Variants in AJAP1 observed in about 807,000 individuals in gnomAD.
AJAP1 encodes the protein adherens junctions associated protein 1.
AJAP1 carries 5 observed loss-of-function variants against 35.0 expected under a neutral mutation model. The ratio of observed to expected loss-of-function variants is 0.14; its 90% CI spans 0.07 to 0.30. The LOEUF is 0.30. AJAP1 is among the 10% of genes least tolerant of loss of function. The pLI, the probability that AJAP1 is intolerant of heterozygous loss-of-function variation, is 1.00. For missense variants in AJAP1, 586 were observed against 571.0 expected (o/e 1.03, Z -0.27); for synonymous variants, 284 against 249.3 (o/e 1.14, Z -1.31).
intron 5 of AJAP1, among the ~76,000 whole-genome samples, chr1:4,779,727 C>T (rs1054230873): frequency 6.6e-5 from 10 of 152,054 alleles, no homozygotes; most frequent in East Asian, 5.8e-4. Context: ...AGCTTACAAC[C>T]GGTGACAGTC....
In AJAP1 at chr1:4,712,012, C is replaced by A. The variant is rs1395321041; in HGVS notation, c.142C>A (p.Pro48Thr). Residue 48 changes from proline to threonine, a missense_variant, in exon 2 of 6, where the codon CCG becomes ACG. Physicochemically the swap from Pro to Thr is conservative, Grantham distance 38 (BLOSUM62 -1). Coordinates refer to ENST00000378191, the MANE Select transcript of AJAP1 (RefSeq NM_018836.4). ...LPACEALGPG[P>T]EFWLLPRSPP... ...CGCCTGTGAGGCCCTGGGCCCGGGG[C>A]CGGAGTTCTGGCTCCTGCCGCGGTC... is the stretch of plus-strand genomic sequence containing the variant. 4.4e-6 allele frequency: 7 copies of A among 1,595,748 alleles called. No homozygotes were observed. In the Admixed American group the frequency reaches 1.0e-4, roughly 24 times the overall value.
At chr1:4,710,651 CG>C (rs1640210142) in intron 1 of AJAP1, among the ~76,000 whole-genome samples, 1 of 152,266 alleles carries the variant, frequency 6.6e-6, no homozygotes, top group African/African-American at 2.4e-5. Flanking sequence ...TGAACACCCT[CG>C]CGCCCCCCAC....
chr1:4,699,974 C>T (rs973961955), intron 1 of AJAP1, among the ~76,000 whole-genome samples: 6 of 152,244 alleles, frequency 3.9e-5, no homozygotes, highest in Admixed American at 2.0e-4. Context: ...CTCTGCGTGC[C>T]GTCCTCTTCA....
chr1:4,658,516 C>T (rs1429547988), intron 1 of AJAP1, among the ~76,000 whole-genome samples: 1 of 152,204 alleles, frequency 6.6e-6, no homozygotes, highest in African/African-American at 2.4e-5. Flanking sequence ...TGGCTCGCGC[C>T]GATTTCCAGC....
At chr1:4,713,594 G>A (rs1245553160) in intron 2 of AJAP1, among the ~76,000 whole-genome samples, 1 of 152,256 alleles carries the variant, frequency 6.6e-6, no homozygotes, top group Non-Finnish European at 1.5e-5. Flanking sequence ...CAGCAGGCCT[G>A]CGGGGAGAGC....
chr1:4,732,900 G>A (rs544149417), intron 2 of AJAP1, among the ~76,000 whole-genome samples: 164 of 152,312 alleles, frequency 1.1e-3, no homozygotes, highest in African/African-American at 3.7e-3. Flanking sequence ...GAGATCCTTG[G>A]AGGAACTGCG....
At position 4,787,534 on chromosome 1, in the gene AJAP1, C is replaced by T. The variant is rs11805709; in HGVS notation, c.*5049C>T. ...CAGTGCAGCACTGAAGATAAGACAT[C>T]GCAGTTGTTACGACGCCTGGTTCTC... On this transcript the variant is annotated 3_prime_UTR_variant, in exon 6 of 6. Transcript: ENST00000378191. 0.27 allele frequency: 101,378 copies of T among 381,602 alleles called. 15,240 individuals carry two copies. The highest frequency in any genetic ancestry group is 0.39 in the Admixed American group (12,600 of 32,324). 23.6% of individuals were successfully genotyped at this position (381,602 alleles called of 1,614,324 possible). A position where few individuals can be genotyped will look rare whatever the true frequency, so the allele number is the denominator to read the frequency against.
chr1:4,782,085 A>G lies in AJAP1; in HGVS notation c.*60-460A>G, dbSNP rs1264252574. On this transcript the variant is annotated intron_variant, in intron 5 of 5. Transcript: ENST00000378191. This position sits in a 1 kb window ranked among gnomAD's most constrained non-coding sequence, Gnocchi z 5.3. ...GAGTAGTGGACAGAAACAGACTCCC[A>G]TTCTTCCCGCAGCACAGGAGTGGAG... Among the ~76,000 whole-genome samples the G allele has an allele frequency of 6.6e-6, 1 of 152,126 alleles. No individual in the cohort carries two copies. The highest frequency in any genetic ancestry group is 2.4e-5 in the African/African-American group (1 of 41,426).
rs1642162196 is a variant in AJAP1 at position 4,786,431 on chromosome 1, C to CGT, written c.*3947_*3948dup. 6.6e-6 allele frequency: 1 copy of CGT among 152,128 alleles called. No homozygotes were observed. The highest frequency in any genetic ancestry group is 2.4e-5 in the African/African-American group (1 of 41,414). The allele number at this position is 152,128 out of a possible 1,614,324, so 9.4% of individuals were successfully genotyped here. ...CTTTGAATCGGGACACCAGGAAACC[C>CGT]GTTACTACTAATGTGATCTTACCAT... On this transcript the variant is annotated 3_prime_UTR_variant, in exon 6 of 6. Coordinates refer to ENST00000378191, the MANE Select transcript of AJAP1 (RefSeq NM_018836.4).
intron 2 of AJAP1, among the ~76,000 whole-genome samples, chr1:4,730,104 G>T (rs182524072): frequency 1.3e-5 from 2 of 152,282 alleles, no homozygotes; most frequent in Admixed American, 1.3e-4. Flanking sequence ...CAGAGGGCAG[G>T]GGACTCTGCC....
Position 4,787,744 on chromosome 1 carries a change from C to G in AJAP1, c.*5259C>G, listed in dbSNP as rs1278274185. The stretch of plus-strand genomic sequence containing the variant: ...AGCAGGTCTCAGGTCAGCCAGGTCT[C>G]AAGGAGGATAAGGGGGTTCAACGTC... On this transcript the variant is annotated 3_prime_UTR_variant, in exon 6 of 6. Transcript: ENST00000378191. 2.2e-6 allele frequency: 1 copy of G among 456,066 alleles called. No individual in the cohort carries two copies. Among genetic ancestry groups the G allele is most frequent in the Non-Finnish European group, 4.4e-6 (1 of 226,918 alleles). The allele number at this position is 456,066 out of a possible 1,614,324, so 28.3% of individuals were successfully genotyped here.
chr1:4,688,490 G>A (rs1639659156), intron 1 of AJAP1, among the ~76,000 whole-genome samples: 2 of 152,068 alleles, frequency 1.3e-5, no homozygotes, highest in African/African-American at 4.8e-5. Flanking sequence ...GATCCTGATG[G>A]GGCCAGGTGC....
chr1:4,707,569 T>C (rs927704710), intron 1 of AJAP1, among the ~76,000 whole-genome samples: 5 of 152,172 alleles, frequency 3.3e-5, no homozygotes, highest in African/African-American at 1.2e-4. Context: ...TGCTTCCACA[T>C]TGTAGCATAG....
intron 1 of AJAP1, among the ~76,000 whole-genome samples, chr1:4,705,655 C>T (rs1009682397): frequency 1.3e-5 from 2 of 151,846 alleles, no homozygotes; most frequent in Admixed American, 1.3e-4. Flanking sequence ...CCCCAAAACA[C>T]AGAAGGCCGG....
At chr1:4,769,987 G>A (rs1459445468) in intron 3 of AJAP1, 47 bp downstream of exon 3, 1 of 1,507,392 alleles carries the variant, frequency 6.6e-7, no homozygotes, top group African/African-American at 1.4e-5. Flanking sequence ...GGACTACCGG[G>A]GTCCCTGGGT....
intron 2 of AJAP1, among the ~76,000 whole-genome samples, chr1:4,767,564 CATT>C (rs1247892982): frequency 2.7e-4 from 41 of 151,338 alleles, no homozygotes; most frequent in African/African-American, 9.5e-4. Flanking sequence ...TCATTACCAT[CATT>C]ATCACCATCA....
At chr1:4,699,817 A>G (rs1165269138) in intron 1 of AJAP1, among the ~76,000 whole-genome samples, 2 of 152,204 alleles carry the variant, frequency 1.3e-5, no homozygotes, top group African/African-American at 2.4e-5. Context: ...CTTCTGCAAG[A>G]GGAGAGTCAA....
chr1:4,757,208 C>T (rs1191849346), intron 2 of AJAP1, among the ~76,000 whole-genome samples: 2 of 152,212 alleles, frequency 1.3e-5, no homozygotes, highest in East Asian at 3.8e-4. Flanking sequence ...CAGCACAGAC[C>T]CCTCCCCTTT....
At chr1:4,780,739 C>T (rs939943573) in intron 5 of AJAP1, among the ~76,000 whole-genome samples, 3 of 149,074 alleles carry the variant, frequency 2.0e-5, no homozygotes, top group Non-Finnish European at 4.4e-5. Flanking sequence ...TCAAGTAATT[C>T]TCATGCCTCA....
Sources: allele counts gnomAD v4.1 joint callset (sites outside exome capture counted in the v4.1 genomes callset), GRCh38; gene constraint gnomAD v4.1.1; non-coding constraint Gnocchi (gnomAD v3.1); transcripts MANE v1.5; gene names NCBI Gene and HGNC (gene_info 2026-07-23, HGNC 2026-07-21).